FTO: variants seen among roughly 807,000 people sequenced by gnomAD.
FTO encodes FTO alpha-ketoglutarate dependent dioxygenase.
FTO carries 47 observed loss-of-function variants against 63.9 expected under a neutral mutation model. The observed-to-expected ratio is 0.74, with a 90% confidence interval of 0.58 to 0.94. The LOEUF is 0.94. FTO is among the 40% of genes least tolerant of loss of function. The pLI is 0.00. For synonymous variants in FTO, 207 were observed against 224.4 expected, an observed-to-expected ratio of 0.92 and a Z score of 0.69; for missense variants, 562 against 618.1, an observed-to-expected ratio of 0.91 and a Z score of 0.96.
At chr16:53,835,118 C>T (rs2079253372) in intron 3 of FTO, among the ~76,000 whole-genome samples, 1 of 152,160 alleles carries the variant, frequency 6.6e-6, no homozygotes, top group African/African-American at 2.4e-5. Context: ...TTGCTATCTA[C>T]CACATCTCCT....
chr16:53,776,252 T>C (rs2077456427), intron 1 of FTO, among the ~76,000 whole-genome samples: 1 of 152,086 alleles, frequency 6.6e-6, no homozygotes, highest in Non-Finnish European at 1.5e-5. Flanking sequence ...TTTGCTGAAG[T>C]GTGTGTTGTG....
At chr16:53,965,028 A>G (rs139987733) in intron 8 of FTO, among the ~76,000 whole-genome samples, 2 of 152,308 alleles carry the variant, frequency 1.3e-5, no homozygotes, top group African/African-American at 4.8e-5. Context: ...CACCCTAACA[A>G]TTGTAATAGT....
At chr16:53,738,025 C>CTTTT (rs35487919) in intron 1 of FTO, among the ~76,000 whole-genome samples, 3 of 125,488 alleles carry the variant, frequency 2.4e-5, no homozygotes, top group African/African-American at 9.2e-5. Flanking sequence ...ACAATCGTAG[C>CTTTT]TTTTTTTTTT....
intron 8 of FTO, among the ~76,000 whole-genome samples, chr16:54,027,895 A>G (rs1292543170): frequency 1.3e-5 from 2 of 152,196 alleles, no homozygotes; most frequent in African/African-American, 2.4e-5. Flanking sequence ...AGTTCTCACA[A>G]ACAAGCTCTT....
At chr16:53,911,872 CTG>C (rs2081718369) in intron 7 of FTO, among the ~76,000 whole-genome samples, 1 of 152,200 alleles carries the variant, frequency 6.6e-6, no homozygotes, top group Non-Finnish European at 1.5e-5. Flanking sequence ...AAATTGAACT[CTG>C]TGGCATAAAA....
At chr16:53,970,530 A>G (rs6499659) in intron 8 of FTO, among the ~76,000 whole-genome samples, 108,784 of 149,976 alleles carry the variant, frequency 0.73, 40,606 homozygotes, top group African/African-American at 0.89. Flanking sequence ...GGCAGAGGTC[A>G]TAGTGAGCCG....
At chr16:53,721,485 C>G (rs1297761653) in intron 1 of FTO, among the ~76,000 whole-genome samples, 1 of 152,134 alleles carries the variant, frequency 6.6e-6, no homozygotes. Flanking sequence ...CCTTCCCTTT[C>G]AATTGCAGTT....
chr16:53,953,247 C>T (rs1368779888), intron 8 of FTO, among the ~76,000 whole-genome samples: 2 of 152,238 alleles, frequency 1.3e-5, no homozygotes, highest in Non-Finnish European at 2.9e-5. Context: ...TGATCAGGAT[C>T]TGCAACCTCC....
chr16:53,731,397 A>G (rs1189771196), intron 1 of FTO, among the ~76,000 whole-genome samples: 1 of 152,144 alleles, frequency 6.6e-6, no homozygotes, highest in African/African-American at 2.4e-5. Flanking sequence ...GTTCCTTCAT[A>G]TTAATACTTC....
At chr16:54,059,728 T>C (rs1055596971) in intron 8 of FTO, among the ~76,000 whole-genome samples, 6 of 152,204 alleles carry the variant, frequency 3.9e-5, no homozygotes, top group African/African-American at 1.4e-4. Flanking sequence ...TTTGTGCATC[T>C]GTGTGTCAAG....
intron 8 of FTO, among the ~76,000 whole-genome samples, chr16:54,076,570 G>C (rs1283324998): frequency 2.0e-5 from 3 of 152,094 alleles, no homozygotes; most frequent in Non-Finnish European, 2.9e-5. Flanking sequence ...ATATGTGTTT[G>C]TATGTATATG....
chr16:53,745,446 C>A (rs994702381), intron 1 of FTO, among the ~76,000 whole-genome samples: 1 of 152,170 alleles, frequency 6.6e-6, no homozygotes, highest in Non-Finnish European at 1.5e-5. Context: ...GAGACTCTAA[C>A]AGAAGAGGAA....
chr16:53,985,474 A>G (rs1224230371), intron 8 of FTO, among the ~76,000 whole-genome samples: 3 of 152,220 alleles, frequency 2.0e-5, no homozygotes, highest in Non-Finnish European at 2.9e-5. Flanking sequence ...CATGAGAAAG[A>G]AAAAAATTTT....
At chr16:54,055,213 G>A (rs147284101) in intron 8 of FTO, among the ~76,000 whole-genome samples, 256 of 152,318 alleles carry the variant, frequency 1.7e-3, no homozygotes, top group African/African-American at 5.9e-3. Context: ...GTCTTGCTCT[G>A]TTTGGAGTAG....
At chr16:53,884,669 A>G (rs1046534338) in intron 6 of FTO, among the ~76,000 whole-genome samples, 8 of 152,210 alleles carry the variant, frequency 5.3e-5, no homozygotes, top group African/African-American at 1.9e-4. Flanking sequence ...CTATATGGTG[A>G]TAAAGTGGCT....
rs1260580410 is a variant in FTO, at chr16:54,115,866, C to G, written c.*3951C>G. The G allele has an allele frequency of 6.6e-6, 1 of 152,256 alleles. No individual in the cohort carries two copies. Among genetic ancestry groups the G allele is most frequent in the Non-Finnish European group, 1.5e-5 (1 of 68,086 alleles). 9.4% of individuals were successfully genotyped at this position (152,256 alleles called of 1,614,324 possible). On this transcript the variant is annotated 3_prime_UTR_variant, in exon 9 of 9. Coordinates refer to ENST00000471389, the MANE Select transcript of FTO (RefSeq NM_001080432.3). Reference sequence around the variant, plus strand: ...CAAACAGCTTAATCCAAAGGAGCGGCTTTCCAACTGGGAATGTCCCCCTGG... The same window carrying G: ...CAAACAGCTTAATCCAAAGGAGCGGGTTTCCAACTGGGAATGTCCCCCTGG...
intron 1 of FTO, 106 bp downstream of exon 1, chr16:53,704,335 AG>A: frequency 9.5e-7 from 1 of 1,056,880 alleles, no homozygotes; most frequent in South Asian, 1.3e-5. Context: ...TGTTAAACTA[AG>A]GGATGACAGG....
rs949032724 is a variant in FTO, at chr16:54,055,084, A to G, written c.1365-56678A>G. Among the ~76,000 whole-genome samples the G allele has an allele frequency of 2.0e-5, 3 of 152,304 alleles. No homozygotes were observed. The South Asian group carries it at 6.2e-4, about 32-fold the overall frequency. On this transcript the variant is annotated intron_variant, in intron 8 of 8. Transcript: ENST00000471389. The stretch of plus-strand genomic sequence containing the variant: ...GCTTGAAGTCTTTAGAACAAGATTA[A>G]TTTAGCTTCCGTTAGTTCATACCAG...
intron 7 of FTO, among the ~76,000 whole-genome samples, chr16:53,918,221 ATGT>A (rs1383954773): frequency 2.0e-5 from 3 of 152,052 alleles, no homozygotes; most frequent in Admixed American, 6.6e-5. Flanking sequence ...TCATTAGGTG[ATGT>A]TGTTGTTGTG....
Sources: gnomAD v4.1 joint callset for allele counts (sites outside exome capture counted in the v4.1 genomes callset) on GRCh38, gnomAD v4.1.1 for gene constraint, MANE v1.5 for transcripts, NCBI Gene and HGNC (gene_info 2026-07-23, HGNC 2026-07-21) for gene names.